Variants in CLTCL1 observed in about 807,000 individuals in gnomAD.
The protein encoded by CLTCL1 is clathrin heavy chain like 1.
Under a neutral mutation model 190.0 loss-of-function variants are expected in CLTCL1, and 159 were observed. The ratio of observed to expected loss-of-function variants is 0.84; its 90% CI spans 0.74 to 0.95. The LOEUF (loss-of-function observed/expected upper bound fraction) is 0.95, where lower values mean the gene tolerates loss of function less well. CLTCL1 is among the 40% of genes least tolerant of loss of function. The pLI is 0.00. For synonymous variants in CLTCL1, 752 were observed against 769.6 expected (o/e 0.98, Z 0.38); for missense variants, 1,878 against 2,033.4 (o/e 0.92, Z 1.47).
chr22:19,250,379 C>T (rs1243112468), intron 3 of CLTCL1, among the ~76,000 whole-genome samples: 9 of 148,006 alleles, frequency 6.1e-5, no homozygotes, highest in Non-Finnish European at 1.0e-4. Flanking sequence ...TGTTCTATTG[C>T]CCAGGCTGGA....
Position 19,225,476 on chromosome 22 carries a change from A to G in CLTCL1, c.2105T>C (p.Phe702Ser). 6.3e-7 allele frequency: 1 copy of G among 1,585,774 alleles called. No homozygotes were observed. Residue 702 changes from phenylalanine (F) to serine (S), a missense_variant, in exon 13 of 33, where the codon TTT becomes TCT. By Grantham distance (155) the Phe-to-Ser change is radical. Coordinates refer to ENST00000427926, the MANE Select transcript of CLTCL1 (RefSeq NM_007098.4). ...QLGTQALVEL[F>S]ESFKSYKGLF... ...ACCTTTGTAACTCTTGAAGGATTCA[A>G]AGAGCTCCACCAGGGCCTGCGTGCC...
intron 22 of CLTCL1, chr22:19,207,505 A>T (rs1280485759): frequency 2.5e-6 from 1 of 401,200 alleles, no homozygotes; most frequent in East Asian, 3.6e-5. Context: ...AATAATAGCA[A>T]CAGGTTACTT....
In CLTCL1 at chr22:19,234,700, A is replaced by C; in HGVS notation, c.976T>G (p.Ser326Ala). The C allele has an allele frequency of 6.2e-7, 1 of 1,613,812 alleles. No individual in the cohort carries two copies. Among genetic ancestry groups the C allele is most frequent in the Non-Finnish European group, 8.5e-7 (1 of 1,179,732 alleles). Residue 326 changes from serine (S) to alanine (A), a missense_variant, in exon 7 of 33, where the codon TCA becomes GCA. By Grantham distance (99) the Ser-to-Ala change is moderately conservative (BLOSUM62 1). Transcript: ENST00000427926. ...IGVNKKGQVL[S>A]VCVEEDNIVN... is the part of the protein sequence containing the mutation. ...ATGTTATCTTCCTCAACACAAACTG[A>C]CAGTACCTGTAAGGACACAACAAGT...
rs555410713 is a variant in CLTCL1 at position 19,242,718 on chromosome 22, C to G, written c.681+57G>C. Reference sequence around the variant, plus strand: ...CATGCCCAGCCACACACACGCACACCCCTAACACCAGCTCATGACACTTTT... The same window carrying G: ...CATGCCCAGCCACACACACGCACACGCCTAACACCAGCTCATGACACTTTT... On this transcript the variant is annotated intron_variant, in intron 4 of 32. Coordinates refer to ENST00000427926, the MANE Select transcript of CLTCL1 (RefSeq NM_007098.4). 7 of 1,597,352 alleles carry G rather than the reference C, an allele frequency of 4.4e-6. No homozygotes were observed. The African/African-American group carries it at 8.0e-5, about 18-fold the overall frequency.
chr22:19,191,181 C>A, intron 27 of CLTCL1, 123 bp downstream of exon 27: 1 of 1,127,788 alleles, frequency 8.9e-7, no homozygotes, highest in Non-Finnish European at 1.3e-6. Flanking sequence ...CTTTGATACA[C>A]TGGTGAATCT....
chr22:19,263,107 A>G (rs1601685996), intron 2 of CLTCL1, among the ~76,000 whole-genome samples: 1 of 151,036 alleles, frequency 6.6e-6, no homozygotes, highest in East Asian at 1.9e-4. Flanking sequence ...AAATAAATAG[A>G]TTATTCATTT....
intron 17 of CLTCL1, among the ~76,000 whole-genome samples, chr22:19,220,873 T>TG (rs1358477082): frequency 6.6e-6 from 1 of 152,176 alleles, no homozygotes; most frequent in Non-Finnish European, 1.5e-5. Context: ...GCAAAAGACC[T>TG]GGGCAGATGT....
At chr22:19,267,421 C>A (rs56335074) in intron 2 of CLTCL1, among the ~76,000 whole-genome samples, 7,426 of 152,124 alleles carry the variant, frequency 0.049, 619 homozygotes, top group African/African-American at 0.17. Context: ...CTATCAAAGC[C>A]CCAGAAGGAT....
chr22:19,227,777 T>G (rs2085797959), intron 11 of CLTCL1, among the ~76,000 whole-genome samples: 1 of 152,112 alleles, frequency 6.6e-6, no homozygotes, highest in Admixed American at 6.5e-5. Flanking sequence ...TTATATTTTT[T>G]TGTAGAGATG....
rs1448781169 is a variant in CLTCL1, at chr22:19,198,467, G to C, written c.3873+1267C>G. On this transcript the variant is annotated intron_variant, in intron 24 of 32. Transcript: ENST00000427926. This position sits in a 1 kb window ranked among gnomAD's most constrained non-coding sequence, Gnocchi z 4.1. ...CAGCCCGTGACCTTCCTAACGGCCT[G>C]AGATCTGGCCCTCCGTCAGCCTCTC... Among the ~76,000 whole-genome samples, 10 of 152,130 alleles carry C rather than the reference G, an allele frequency of 6.6e-5. No homozygotes were observed.
At chr22:19,190,242 G>A (rs1297961885) in intron 27 of CLTCL1, among the ~76,000 whole-genome samples, 1 of 152,206 alleles carries the variant, frequency 6.6e-6, no homozygotes. Flanking sequence ...ACAGGCATAA[G>A]CCACCATTCC....
Position 19,291,710 on chromosome 22 carries a change from G to T in CLTCL1, c.-69C>A. On this transcript the variant is annotated 5_prime_UTR_variant, in exon 1 of 33. Transcript: ENST00000427926. ...TGAACGCCGACCCCTCGCGCGGGCT[G>T]ACCGGTGGCGACGGCGCAGGCGCAG... The T allele has an allele frequency of 1.6e-6, 2 of 1,289,094 alleles. No individual in the cohort carries two copies. Among genetic ancestry groups the T allele is most frequent in the South Asian group, 2.3e-5 (1 of 43,470 alleles). 79.9% of individuals were successfully genotyped at this position (1,289,094 alleles called of 1,614,324 possible).
intron 4 of CLTCL1, among the ~76,000 whole-genome samples, chr22:19,242,467 T>C (rs1422069461): frequency 6.6e-6 from 1 of 152,090 alleles, no homozygotes; most frequent in African/African-American, 2.4e-5. Context: ...AGTTAATGTT[T>C]GTATTTTTAG....
chr22:19,210,908 T>A lies in CLTCL1; in HGVS notation c.3066-399A>T, dbSNP rs73877051. Among the ~76,000 whole-genome samples the A allele has an allele frequency of 4.0e-3, 612 of 152,224 alleles. 8 individuals are homozygous for A. Among genetic ancestry groups the A allele is most frequent in the African/African-American group, 0.014 (585 of 41,538 alleles). On this transcript the variant is annotated intron_variant, in intron 19 of 32. Transcript: ENST00000427926. ...AGCTTTGCATTTTTTTTTAACTTTT[T>A]AAAAATTTTGAGACGGGGTCTTGCT...
chr22:19,182,553 AG>A (rs1475493245), intron 30 of CLTCL1: 2 of 152,170 alleles, frequency 1.3e-5, no homozygotes, highest in Non-Finnish European at 2.9e-5. Context: ...GAGGCTCTGC[AG>A]GCGGCAGGCA....
intron 1 of CLTCL1, among the ~76,000 whole-genome samples, chr22:19,282,323 C>T (rs565126990): frequency 6.3e-5 from 9 of 143,256 alleles, no homozygotes; most frequent in South Asian, 4.5e-4. Flanking sequence ...GCCAAGACTC[C>T]GTCTCAAAAA....
intron 12 of CLTCL1, 39 bp downstream of exon 12, chr22:19,226,180 A>G (rs2145811568): frequency 6.3e-7 from 1 of 1,599,376 alleles, no homozygotes; most frequent in South Asian, 1.1e-5. Context: ...AATTGCATAG[A>G]CAACAGCCAT....
At chr22:19,201,911 C>A (rs1555939851) in intron 22 of CLTCL1, among the ~76,000 whole-genome samples, 1 of 152,110 alleles carries the variant, frequency 6.6e-6, no homozygotes, top group Non-Finnish European at 1.5e-5. Context: ...AAATCTTTCT[C>A]ATTCTCTGGC....
chr22:19,228,589 A>C (rs1569198437), intron 11 of CLTCL1, among the ~76,000 whole-genome samples: 2 of 152,218 alleles, frequency 1.3e-5, no homozygotes, highest in African/African-American at 4.8e-5. Flanking sequence ...GCTAACTTGT[A>C]GATTTGAATA....
Sources: allele counts gnomAD v4.1 joint callset (sites outside exome capture counted in the v4.1 genomes callset), GRCh38; gene constraint gnomAD v4.1.1; non-coding constraint Gnocchi (gnomAD v3.1); transcripts MANE v1.5; gene names NCBI Gene and HGNC (gene_info 2026-07-23, HGNC 2026-07-21).